Variants in TXNDC16 observed in about 807,000 individuals in gnomAD.
TXNDC16 encodes thioredoxin domain-containing protein 16.
TXNDC16 carries 74 observed loss-of-function variants against 85.6 expected under a neutral mutation model. That is an observed-to-expected ratio of 0.86 (90% CI 0.72 to 1.05). The LOEUF (loss-of-function observed/expected upper bound fraction) is 1.05, where lower values mean the gene tolerates loss of function less well. Among genes scored for constraint, TXNDC16 ranks in the 50% least tolerant of loss-of-function variants. The pLI, the probability that TXNDC16 is intolerant of heterozygous loss-of-function variation, is 0.00. For missense variants in TXNDC16, 959 were observed against 947.0 expected (o/e 1.01, Z -0.17); for synonymous variants, 335 against 326.5 (o/e 1.03, Z -0.28).
At chr14:52,462,260 T>C (rs2035669515) in intron 16 of TXNDC16, among the ~76,000 whole-genome samples, 1 of 152,238 alleles carries the variant, frequency 6.6e-6, no homozygotes, top group African/African-American at 2.4e-5. Context: ...ACAGTCTTCC[T>C]GTGTAGCCTA....
At chr14:52,540,918 G>C (rs78963154) in intron 4 of TXNDC16, among the ~76,000 whole-genome samples, 13,134 of 152,170 alleles carry the variant, frequency 0.086, 628 homozygotes, top group East Asian at 0.14. Flanking sequence ...TTTCCAGATA[G>C]AGCTCAGCAT....
chr14:52,455,607 C>T (rs2035514767), intron 17 of TXNDC16, 145 bp from the exon 18 acceptor site: 2 of 825,286 alleles, frequency 2.4e-6, no homozygotes, highest in African/African-American at 3.5e-5. Flanking sequence ...TCCAGGCAAA[C>T]TTATCTTCTA....
intron 14 of TXNDC16, among the ~76,000 whole-genome samples, chr14:52,472,887 G>A (rs1036841426): frequency 1.3e-5 from 2 of 152,080 alleles, no homozygotes; most frequent in South Asian, 2.1e-4. Flanking sequence ...TGCACGTACC[G>A]GCAGGAACTA....
intron 1 of TXNDC16, among the ~76,000 whole-genome samples, chr14:52,546,111 C>T (rs949459667): frequency 1.3e-5 from 2 of 151,928 alleles, no homozygotes; most frequent in African/African-American, 4.8e-5. Context: ...CACAGAGACC[C>T]TGTCTCTATA....
chr14:52,515,244 T>C (rs2037054462), intron 7 of TXNDC16, among the ~76,000 whole-genome samples: 1 of 152,144 alleles, frequency 6.6e-6, no homozygotes, highest in South Asian at 2.1e-4. Flanking sequence ...AGTTTCTTTC[T>C]AGTAGTAGGG....
intron 6 of TXNDC16, among the ~76,000 whole-genome samples, chr14:52,535,333 T>C (rs1366899451): frequency 6.6e-6 from 1 of 152,200 alleles, no homozygotes; most frequent in Non-Finnish European, 1.5e-5. Flanking sequence ...TCATTACGAT[T>C]GGCTCGTTAG....
At position 52,549,140 on chromosome 14, in the gene TXNDC16, T is replaced by G. The variant is rs1035475165; in HGVS notation, c.-182+3176A>C. The stretch of plus-strand genomic sequence containing the variant: ...ACTACAGATACACCTCCCAACTACA[T>G]GTAGACTTTGATCCTTTGGGCTGCG... On this transcript the variant is annotated intron_variant, in intron 1 of 20. Coordinates refer to ENST00000281741, the MANE Select transcript of TXNDC16 (RefSeq NM_020784.3). 2.6e-5 allele frequency among the ~76,000 whole-genome samples: 4 copies of G among 152,352 alleles called. No individual in the cohort carries two copies. In the South Asian group the frequency reaches 8.3e-4, roughly 32 times the overall value.
chr14:52,517,363 T>C (rs545841588), intron 7 of TXNDC16, among the ~76,000 whole-genome samples: 1 of 152,256 alleles, frequency 6.6e-6, no homozygotes, highest in South Asian at 2.1e-4. Context: ...AAGCTAATGG[T>C]GTCACTTTAA....
At chr14:52,498,383 T>C (rs2140164175) in intron 9 of TXNDC16, among the ~76,000 whole-genome samples, 1 of 150,264 alleles carries the variant, frequency 6.7e-6, no homozygotes, top group South Asian at 2.1e-4. Context: ...AATAGGATCT[T>C]ATATGTGCAA....
intron 12 of TXNDC16, among the ~76,000 whole-genome samples, chr14:52,487,108 C>T (rs2036288777): frequency 6.6e-6 from 1 of 152,152 alleles, no homozygotes; most frequent in Non-Finnish European, 1.5e-5. Context: ...TAAACTGAGA[C>T]TAGGGACAAG....
intron 9 of TXNDC16, among the ~76,000 whole-genome samples, chr14:52,509,495 T>TA (rs11459748): frequency 0.46 from 69,301 of 150,300 alleles, 16,219 homozygotes; most frequent in African/African-American, 0.54. Flanking sequence ...CTGCTTTCTT[T>TA]AAAAAAAAAA....
chr14:52,528,621 A>C (rs1005473710), intron 6 of TXNDC16, among the ~76,000 whole-genome samples: 2 of 151,380 alleles, frequency 1.3e-5, no homozygotes, highest in African/African-American at 4.8e-5. Context: ...TCTTAGAAAA[A>C]AGACAAGAAT....
chr14:52,520,868 C>T (rs1024131060), intron 6 of TXNDC16, among the ~76,000 whole-genome samples: 2 of 152,038 alleles, frequency 1.3e-5, no homozygotes. Flanking sequence ...TTTCCTAATA[C>T]AGCAGTTCTC....
intron 9 of TXNDC16, among the ~76,000 whole-genome samples, chr14:52,493,216 T>TATACACAC: frequency 6.9e-5 from 8 of 115,998 alleles, no homozygotes; most frequent in African/African-American, 2.5e-4. Flanking sequence ...TATATATATA[T>TATACACAC]ACACACACAC....
chr14:52,455,533 GGAGGTCACAGTGT>G, intron 17 of TXNDC16, 71 bp from the exon 18 acceptor site: 2 of 1,578,736 alleles, frequency 1.3e-6, no homozygotes, highest in Admixed American at 3.4e-5. Flanking sequence ...ATCTAGGCTA[GGAGGTCACAGTGT>G]GAGGCAGCAA....
intron 20 of TXNDC16, among the ~76,000 whole-genome samples, chr14:52,435,253 C>CTT (rs5808677): frequency 0.12 from 13,913 of 120,064 alleles, 942 homozygotes; most frequent in East Asian, 0.18. Context: ...AACATGTCTG[C>CTT]TTTTTTTTTT....
At chr14:52,512,022 T>C (rs1371363073) in intron 8 of TXNDC16, among the ~76,000 whole-genome samples, 1 of 152,154 alleles carries the variant, frequency 6.6e-6, no homozygotes, top group East Asian at 1.9e-4. Context: ...TTTAGAAATA[T>C]CCATATGGCA....
intron 9 of TXNDC16, among the ~76,000 whole-genome samples, chr14:52,508,629 C>T (rs1309929248): frequency 4.6e-5 from 7 of 152,102 alleles, no homozygotes; most frequent in Non-Finnish European, 7.3e-5. Context: ...ATGTTTACTG[C>T]GGCACTATTC....
chr14:52,470,560 G>T lies in TXNDC16; in HGVS notation c.1433C>A (p.Ser478Tyr). The T allele has an allele frequency of 3.1e-6, 5 of 1,613,904 alleles. No homozygotes were observed. The highest frequency in any genetic ancestry group is 2.7e-5 in the African/African-American group (2 of 75,032). Residue 478 changes from serine (S) to tyrosine (Y), a missense_variant, in exon 15 of 21, where the codon TCT becomes TAT. Ser to Tyr is a moderately radical substitution (Grantham distance 144). Transcript: ENST00000281741. Reference sequence around the variant, plus strand: ...TTCGGTTCCTAACATTCCAGCATAAGATACTGGGTTCTCGCCTTTCTTGTA... The same window carrying T: ...TTCGGTTCCTAACATTCCAGCATAATATACTGGGTTCTCGCCTTTCTTGTA... ...KMYKKGENPV[S>Y]YAGMLGTEDL... is the part of the protein sequence containing the mutation.
Sources: gnomAD v4.1 joint callset for allele counts (sites outside exome capture counted in the v4.1 genomes callset) on GRCh38, gnomAD v4.1.1 for gene constraint, MANE v1.5 for transcripts, NCBI Gene and HGNC (gene_info 2026-07-23, HGNC 2026-07-21) for gene names.